The following PHLDB1 variants were observed in gnomAD, a reference collection of about 807,000 sequenced individuals.
PHLDB1 encodes pleckstrin homology-like domain family B member 1.
PHLDB1 carries 65 observed loss-of-function variants against 139.3 expected under a neutral mutation model. The observed-to-expected ratio is 0.47, with a 90% CI of 0.38 to 0.57. PHLDB1 has a LOEUF of 0.57. Among genes scored for constraint, PHLDB1 ranks in the 20% least tolerant of loss-of-function variants. The pLI is 0.00. For synonymous variants in PHLDB1, 679 were observed against 734.5 expected (o/e 0.92, Z 1.22); for missense variants, 1,624 against 1,839.7 (o/e 0.88, Z 2.14).
chr11:118,641,810 C>G, intron 12 of PHLDB1: 1 of 1,277,046 alleles, frequency 7.8e-7, no homozygotes, highest in Non-Finnish European at 1.0e-6. Flanking sequence ...GTTCTTGCTA[C>G]CCCCACCCAT....
chr11:118,614,074 C>A (rs1252593843), intron 2 of PHLDB1, among the ~76,000 whole-genome samples, 178 bp downstream of exon 2: 1 of 152,146 alleles, frequency 6.6e-6, no homozygotes, highest in Non-Finnish European at 1.5e-5. Flanking sequence ...AATTGGTTCA[C>A]CCAGAAACTA....
chr11:118,642,469 G>T lies in PHLDB1; in HGVS notation c.2877+75G>T. The T allele has an allele frequency of 1.3e-5, 20 of 1,501,438 alleles. No homozygotes were observed. The South Asian group carries it at 2.3e-4, about 17-fold the overall frequency. 93.0% of individuals were successfully genotyped at this position (1,501,438 alleles called of 1,614,324 possible). On this transcript the variant is annotated intron_variant, in intron 13 of 22. Transcript: ENST00000600882. ...TCTGATACCTCCTGCCAATCCATCAGCCACACAGTACCACCTTGAGTGGAG... is the reference window on the plus strand; with the variant it reads ...TCTGATACCTCCTGCCAATCCATCATCCACACAGTACCACCTTGAGTGGAG...
chr11:118,621,711 C>T (rs782071138), intron 4 of PHLDB1, among the ~76,000 whole-genome samples: 3 of 152,188 alleles, frequency 2.0e-5, no homozygotes, highest in Non-Finnish European at 4.4e-5. Flanking sequence ...CTGAACATTT[C>T]TAAATGGGGA....
At position 118,631,482 on chromosome 11, in the gene PHLDB1, G is replaced by T; in HGVS notation, c.2100+3G>T. ...GCACTGAGAGCACCCAGCAGGAGGT[G>T]AGATGGAGGGGTAGGCAAGACAAAG... On this transcript the variant is annotated splice_donor_region_variant and intron_variant, in intron 7 of 22. Transcript: ENST00000600882. 7.0e-7 allele frequency: 1 copy of T among 1,424,168 alleles called. No individual in the cohort carries two copies. The highest frequency in any genetic ancestry group is 1.7e-5 in the South Asian group (1 of 59,348). The allele number at this position is 1,424,168 out of a possible 1,614,324, so 88.2% of individuals were successfully genotyped here.
intron 20 of PHLDB1, chr11:118,654,097 C>T (rs1472593188): frequency 1.8e-4 from 27 of 152,172 alleles, no homozygotes. Context: ...GAGGAGCACT[C>T]GGGAAGGAAC....
At chr11:118,644,311 G>A in intron 15 of PHLDB1, 137 bp downstream of exon 15, 1 of 654,882 alleles carries the variant, frequency 1.5e-6, no homozygotes. Context: ...AGGATTTAGA[G>A]TGGGTACCTA....
intron 4 of PHLDB1, among the ~76,000 whole-genome samples, chr11:118,618,055 T>C (rs538511060): frequency 6.6e-6 from 1 of 152,174 alleles, no homozygotes; most frequent in South Asian, 2.1e-4. Flanking sequence ...TTTAGCTCCC[T>C]GAGAAGGGGA....
chr11:118,614,411 C>T, intron 2 of PHLDB1, 148 bp from the exon 3 acceptor site: 2 of 708,600 alleles, frequency 2.8e-6, no homozygotes, highest in African/African-American at 1.8e-5. Context: ...TGGAATCATG[C>T]TCTGTGTAAG....
At chr11:118,641,872 C>T in intron 12 of PHLDB1, 2 of 1,089,922 alleles carry the variant, frequency 1.8e-6, no homozygotes, top group Non-Finnish European at 2.4e-6. Flanking sequence ...CCTCTTGGCT[C>T]TGGGCCAGCC....
chr11:118,623,789 C>G (rs1943282579), intron 4 of PHLDB1, among the ~76,000 whole-genome samples: 2 of 151,930 alleles, frequency 1.3e-5, no homozygotes, highest in African/African-American at 2.4e-5. Flanking sequence ...ACTGACTCTT[C>G]TACCCTTCTA....
chr11:118,653,863 C>T (rs1039342028), intron 20 of PHLDB1: 12 of 152,334 alleles, frequency 7.9e-5, no homozygotes, highest in Admixed American at 2.6e-4. Context: ...TGTGCACTGT[C>T]GTGGTGACAT....
intron 2 of PHLDB1, 58 bp from the exon 3 acceptor site, chr11:118,614,501 T>G (rs1331885283): frequency 1.0e-5 from 16 of 1,599,046 alleles, no homozygotes; most frequent in Non-Finnish European, 1.3e-5. Context: ...TGTGACTGGT[T>G]TAGGGTGGTA....
At chr11:118,614,514 G>A (rs377152167) in intron 2 of PHLDB1, 45 bp from the exon 3 acceptor site, 93 of 1,608,476 alleles carry the variant, frequency 5.8e-5, no homozygotes, top group Admixed American at 1.3e-4. Flanking sequence ...GGGTGGTAAG[G>A]TGCTGAATCT....
chr11:118,655,818 C>G (rs1555141392), intron 21 of PHLDB1, 42 bp from the exon 22 acceptor site: 1 of 1,594,304 alleles, frequency 6.3e-7, no homozygotes, highest in South Asian at 1.1e-5. Flanking sequence ...TCCTTGTTCT[C>G]TTTGTCAACT....
rs782630712 is a variant in PHLDB1, at chr11:118,628,382, C to A, written c.1559C>A (p.Ser520Ter). 1 of 1,611,050 alleles carries A rather than the reference C, an allele frequency of 6.2e-7. No homozygotes were observed. Among genetic ancestry groups the A allele is most frequent in the Non-Finnish European group, 8.5e-7 (1 of 1,178,810 alleles). Reference protein sequence around the residue: ...GARGRRTRSPSPTLGESLAPH... With the variant: ...GARGRRTRSP ...CGGGGCCGTAGGACACGGAGCCCCT[C>A]ACCCACACTGGGTGAGTCTCTGGCA... The change falls in exon 6 of 23, where the codon TCA (serine) becomes TAA (stop). Residue 520 changes from serine to a stop codon, truncating the protein, a stop_gained. Transcript: ENST00000600882. LOFTEE classifies it high-confidence loss of function.
chr11:118,621,747 C>T (rs1555095234), intron 4 of PHLDB1, among the ~76,000 whole-genome samples: 1 of 152,156 alleles, frequency 6.6e-6, no homozygotes, highest in Non-Finnish European at 1.5e-5. Flanking sequence ...CACTTCTCAG[C>T]CGGTAGACCT....
rs1555106113 is a variant in PHLDB1, at chr11:118,628,373, G to A, written c.1550G>A (p.Arg517Gln). ...LTLGARGRRT[R>Q]SPSPTLGESL... is the part of the protein sequence containing the mutation. Reference sequence around the variant, plus strand: ...CTGGGGGCACGGGGCCGTAGGACACGGAGCCCCTCACCCACACTGGGTGAG... The same window carrying A: ...CTGGGGGCACGGGGCCGTAGGACACAGAGCCCCTCACCCACACTGGGTGAG... The change falls in exon 6 of 23, where the codon CGG becomes CAG. Residue 517 changes from arginine (R) to glutamine (Q), a missense_variant. Physicochemically the swap from Arg to Gln is conservative, Grantham distance 43. Coordinates refer to ENST00000600882, the MANE Select transcript of PHLDB1 (RefSeq NM_001144758.3). 3.1e-6 allele frequency: 5 copies of A among 1,610,896 alleles called. No individual in the cohort carries two copies. In the South Asian group the frequency reaches 3.3e-5, roughly 11 times the overall value.
intron 7 of PHLDB1, 113 bp from the exon 8 acceptor site, chr11:118,631,800 G>C (rs1944857232): frequency 7.9e-7 from 1 of 1,261,444 alleles, no homozygotes; most frequent in Non-Finnish European, 1.1e-6. Flanking sequence ...TTAGCCTCCT[G>C]TCTCAGTCCA....
At position 118,657,073 on chromosome 11, in the gene PHLDB1, CCTGCT is replaced by C; in HGVS notation, c.*253_*257del. 2.6e-6 allele frequency: 1 copy of C among 382,468 alleles called. No homozygotes were observed. Among genetic ancestry groups the C allele is most frequent in the Non-Finnish European group, 4.7e-6 (1 of 212,478 alleles). The allele number at this position is 382,468 out of a possible 1,614,324, so 23.7% of individuals were successfully genotyped here. A position where few individuals can be genotyped will look rare whatever the true frequency, so the allele number is the denominator to read the frequency against. On this transcript the variant is annotated 3_prime_UTR_variant, in exon 23 of 23. Coordinates refer to ENST00000600882, the MANE Select transcript of PHLDB1 (RefSeq NM_001144758.3). ...AGAGGGCCTCAGCTCTGACCTGACA[CCTGCT>C]CTCCCCAGCCTGTTTTCTCTTTTCT... is the stretch of plus-strand genomic sequence containing the variant.
Sources: gnomAD v4.1 joint callset for allele counts (sites outside exome capture counted in the v4.1 genomes callset) on GRCh38, gnomAD v4.1.1 for gene constraint, MANE v1.5 for transcripts, NCBI Gene and HGNC (gene_info 2026-07-23, HGNC 2026-07-21) for gene names.